Variants in TSPAN9 observed in about 807,000 individuals in gnomAD.
TSPAN9 encodes tetraspanin-9.
In TSPAN9, 16 loss-of-function variants were observed where a neutral mutation model predicts 31.0. The ratio of observed to expected loss-of-function variants is 0.52; its 90% CI spans 0.35 to 0.78. The LOEUF (loss-of-function observed/expected upper bound fraction) is 0.78. TSPAN9 is among the 30% of genes least tolerant of loss of function. The probability of loss-of-function intolerance (pLI) is 0.01; values close to 1 mark genes in which losing one functional copy is unlikely to be tolerated. For synonymous variants in TSPAN9, 145 were observed against 121.6 expected (o/e 1.19, Z -1.27); for missense variants, 272 against 312.5 (o/e 0.87, Z 0.98).
At chr12:3,117,502 C>G (rs1020158177) in intron 2 of TSPAN9, among the ~76,000 whole-genome samples, 1 of 152,086 alleles carries the variant, frequency 6.6e-6, no homozygotes, top group Non-Finnish European at 1.5e-5. Context: ...TTAGCGGTCC[C>G]TCTGCTGCTG....
chr12:3,238,656 A>G (rs1309899559), intron 3 of TSPAN9, among the ~76,000 whole-genome samples: 3 of 152,102 alleles, frequency 2.0e-5, no homozygotes, highest in Non-Finnish European at 2.9e-5. Flanking sequence ...GAGGAGAAAG[A>G]CTCATGCCTT....
chr12:3,140,032 A>G (rs1450630817), intron 2 of TSPAN9, among the ~76,000 whole-genome samples: 1 of 152,168 alleles, frequency 6.6e-6, no homozygotes, highest in African/African-American at 2.4e-5. Flanking sequence ...GCCTTAGCTC[A>G]TCCACACACC....
rs1862899005 is a variant in TSPAN9 at position 3,281,711 on chromosome 12, ACCTCGTGGGCCTCGCT to A, written c.565-20_565-5del. 2 of 1,606,152 alleles carry A rather than the reference ACCTCGTGGGCCTCGCT, an allele frequency of 1.2e-6. No individual in the cohort carries two copies. The highest frequency in any genetic ancestry group is 2.7e-5 in the African/African-American group (2 of 74,694). On this transcript the variant is annotated splice_region_variant and splice_polypyrimidine_tract_variant and intron_variant, in intron 7 of 8. Coordinates refer to ENST00000011898, the MANE Select transcript of TSPAN9 (RefSeq NM_006675.5). The stretch of plus-strand genomic sequence containing the variant: ...AGCGCATGCTTGGGCTGGGACCCTA[ACCTCGTGGGCCTCGCT>A]CCCCAGGGCTGCTATGAAAAGGTGA...
chr12:3,141,684 G>A (rs1321764195), intron 2 of TSPAN9, among the ~76,000 whole-genome samples: 1 of 152,188 alleles, frequency 6.6e-6, no homozygotes, highest in Non-Finnish European at 1.5e-5. Flanking sequence ...CCAGAGGCTG[G>A]GCTGCGCGGC....
chr12:3,225,026 T>C (rs1408230870), intron 3 of TSPAN9, among the ~76,000 whole-genome samples: 1 of 151,952 alleles, frequency 6.6e-6, no homozygotes, highest in Non-Finnish European at 1.5e-5. Context: ...GTGGGCACCT[T>C]TGCGGTGCAC....
At chr12:3,225,299 G>A (rs986055807) in intron 3 of TSPAN9, among the ~76,000 whole-genome samples, 20 of 152,134 alleles carry the variant, frequency 1.3e-4, no homozygotes, top group African/African-American at 4.8e-4. Flanking sequence ...CTTAGCACCC[G>A]CCACTCCCCA....
intron 3 of TSPAN9, among the ~76,000 whole-genome samples, chr12:3,230,416 C>T (rs1422860524): frequency 5.9e-5 from 9 of 152,080 alleles, no homozygotes; most frequent in African/African-American, 1.9e-4. Context: ...TGCATCTCAC[C>T]GTCTCCTTTT....
chr12:3,277,607 C>T (rs529521254), intron 3 of TSPAN9, among the ~76,000 whole-genome samples: 4 of 152,300 alleles, frequency 2.6e-5, no homozygotes, highest in African/African-American at 7.2e-5. Context: ...CGGAGGGAGT[C>T]GGGGAGTGCC....
At chr12:3,089,527 C>A (rs564946989) in intron 2 of TSPAN9, among the ~76,000 whole-genome samples, 194 of 151,844 alleles carry the variant, frequency 1.3e-3, no homozygotes, top group Non-Finnish European at 2.2e-3. Flanking sequence ...GATCTCCTGA[C>A]CTCGTGATCC....
At chr12:3,207,106 G>C (rs1157204642) in intron 3 of TSPAN9, among the ~76,000 whole-genome samples, 1 of 152,090 alleles carries the variant, frequency 6.6e-6, no homozygotes, top group Non-Finnish European at 1.5e-5. Context: ...GGAGAGTTCG[G>C]AGTGGGTTCC....
chr12:3,121,536 T>TA (rs2098325126), intron 2 of TSPAN9, among the ~76,000 whole-genome samples: 2 of 27,596 alleles, frequency 7.2e-5, no homozygotes. Flanking sequence ...ATTAAAACTT[T>TA]TTTTTTTTTT....
intron 3 of TSPAN9, among the ~76,000 whole-genome samples, chr12:3,219,154 G>A (rs983416666): frequency 1.1e-4 from 16 of 152,256 alleles, no homozygotes; most frequent in Non-Finnish European, 2.4e-4. Context: ...GGCTGTGTGT[G>A]TAAGCTCGGA....
chr12:3,184,292 GGA>G (rs2098359940), intron 2 of TSPAN9, among the ~76,000 whole-genome samples: 1 of 152,084 alleles, frequency 6.6e-6, no homozygotes, highest in Admixed American at 6.6e-5. Context: ...CAGCTACTTG[GGA>G]GGCTGAAGTG....
intron 3 of TSPAN9, among the ~76,000 whole-genome samples, chr12:3,253,890 C>A (rs1862299268): frequency 6.6e-6 from 1 of 152,194 alleles, no homozygotes; most frequent in South Asian, 2.1e-4. Flanking sequence ...CCCCAGAACC[C>A]CAGGTGCGTG....
intron 2 of TSPAN9, among the ~76,000 whole-genome samples, chr12:3,136,483 A>AT (rs2098332196): frequency 6.6e-6 from 1 of 152,160 alleles, no homozygotes; most frequent in Non-Finnish European, 1.5e-5. Flanking sequence ...AGATGAGGAA[A>AT]TTGAGGCTCA....
rs960141795 is a variant in TSPAN9, at chr12:3,240,863, ATAG to A, written c.64-37554_64-37552del. Among the ~76,000 whole-genome samples, 34 of 152,252 alleles carry A rather than the reference ATAG, an allele frequency of 2.2e-4. 1 individual carries two copies. The highest frequency in any genetic ancestry group is 1.9e-4 in the African/African-American group (8 of 41,458). On this transcript the variant is annotated intron_variant, in intron 3 of 8. Coordinates refer to ENST00000011898, the MANE Select transcript of TSPAN9 (RefSeq NM_006675.5). ...CTGTAATTAGGTCTGTATAAAAAAA[ATAG>A]TAGCGATCAGTAAACATGACAGAAT... is the stretch of plus-strand genomic sequence containing the variant.
intron 3 of TSPAN9, among the ~76,000 whole-genome samples, chr12:3,220,303 C>T (rs1222833376): frequency 6.6e-6 from 1 of 152,200 alleles, no homozygotes; most frequent in Admixed American, 6.5e-5. Flanking sequence ...CCAAAGACTT[C>T]CGTGCTCTTA....
At chr12:3,166,041 AAT>A (rs2098348259) in intron 2 of TSPAN9, among the ~76,000 whole-genome samples, 1 of 152,158 alleles carries the variant, frequency 6.6e-6, no homozygotes, top group Non-Finnish European at 1.5e-5. Context: ...CATCTGAGTC[AAT>A]GTTACTCTCT....
At chr12:3,213,883 C>T (rs979421555) in intron 3 of TSPAN9, among the ~76,000 whole-genome samples, 1 of 152,210 alleles carries the variant, frequency 6.6e-6, no homozygotes, top group African/African-American at 2.4e-5. Context: ...CCTGCGGGAT[C>T]CTGGGGTGCC....
Sources: gnomAD v4.1 joint callset for allele counts (sites outside exome capture counted in the v4.1 genomes callset) on GRCh38, gnomAD v4.1.1 for gene constraint, MANE v1.5 for transcripts, NCBI Gene and HGNC (gene_info 2026-07-23, HGNC 2026-07-21) for gene names.